The following CRISP2 variants were observed in gnomAD, a reference collection of about 807,000 sequenced individuals.
CRISP2 encodes the protein cysteine-rich secretory protein 2.
A neutral mutation model predicts 31.7 loss-of-function variants in CRISP2; 29 were observed. The observed-to-expected ratio is 0.92, with a 90% CI of 0.68 to 1.25. The LOEUF (loss-of-function observed/expected upper bound fraction) is 1.25, where lower values mean the gene tolerates loss of function less well. CRISP2 is among the 50% of genes most tolerant of loss of function. The probability of loss-of-function intolerance (pLI) is 0.00; values close to 1 mark genes in which losing one functional copy is unlikely to be tolerated. For missense variants in CRISP2, 318 were observed against 286.5 expected, an observed-to-expected ratio of 1.11 and a Z score of -0.79; for synonymous variants, 111 against 101.4, an observed-to-expected ratio of 1.09 and a Z score of -0.57.
chr6:49,707,082 C>T (rs1767167622), intron 4 of CRISP2, among the ~76,000 whole-genome samples: 1 of 152,062 alleles, frequency 6.6e-6, no homozygotes, highest in South Asian at 2.1e-4. Context: ...GCTTCTTACA[C>T]CTTTTTGCTT....
intron 4 of CRISP2, among the ~76,000 whole-genome samples, chr6:49,703,031 C>T (rs1008645386): frequency 6.6e-6 from 1 of 152,096 alleles, no homozygotes. Context: ...CATTCTTCTA[C>T]GTGGATCTTG....
intron 6 of CRISP2, 86 bp from the exon 7 acceptor site, chr6:49,698,593 C>A: frequency 2.1e-6 from 3 of 1,402,642 alleles, no homozygotes; most frequent in South Asian, 1.4e-5. Flanking sequence ...TGTTGCCTTT[C>A]AAACCCAGGG....
the CRISP2 span, among the ~76,000 whole-genome samples, chr6:49,679,926 G>A: frequency 2.2e-4 from 33 of 152,136 alleles, no homozygotes; most frequent in African/African-American, 7.2e-4. Flanking sequence ...GGTTGGTCTC[G>A]AACTCCTGAC....
At chr6:49,698,579 A>G in intron 6 of CRISP2, 72 bp from the exon 7 acceptor site, 1 of 1,495,086 alleles carries the variant, frequency 6.7e-7, no homozygotes, top group Non-Finnish European at 9.0e-7. Context: ...CACAAACACA[A>G]AGATGTTGCC....
chr6:49,683,820 G>C, the CRISP2 span, among the ~76,000 whole-genome samples: 1 of 146,990 alleles, frequency 6.8e-6, no homozygotes, highest in Admixed American at 6.9e-5. Flanking sequence ...ATTGTCAAAA[G>C]TGAACACATT....
At chr6:49,709,266 G>A in intron 3 of CRISP2, 61 bp from the exon 4 acceptor site, 1 of 1,379,452 alleles carries the variant, frequency 7.2e-7, no homozygotes, top group Non-Finnish European at 1.0e-6. Flanking sequence ...TTCTAAGAGG[G>A]GGAATACCAA....
chr6:49,696,057 C>A, intron 8 of CRISP2, 133 bp from the exon 9 acceptor site: 1 of 543,254 alleles, frequency 1.8e-6, no homozygotes, highest in Non-Finnish European at 3.3e-6. Context: ...AATTACAATT[C>A]CCAATGTGTA....
intron 5 of CRISP2, among the ~76,000 whole-genome samples, chr6:49,700,283 G>A (rs994926510): frequency 9.9e-5 from 15 of 151,986 alleles, no homozygotes; most frequent in African/African-American, 3.4e-4. Flanking sequence ...CTTTCATATC[G>A]GAGATACCAG....
At chr6:49,681,645 A>G in the CRISP2 span, among the ~76,000 whole-genome samples, 2 of 152,206 alleles carry the variant, frequency 1.3e-5, no homozygotes, top group Non-Finnish European at 2.9e-5. Flanking sequence ...ACTGTTTTAC[A>G]TATAATATCA....
chr6:49,698,702 G>A (rs976521862), intron 6 of CRISP2, among the ~76,000 whole-genome samples, 195 bp from the exon 7 acceptor site: 1 of 152,124 alleles, frequency 6.6e-6, no homozygotes, highest in Non-Finnish European at 1.5e-5. Flanking sequence ...GACACACTGA[G>A]GTTGGCCTGA....
chr6:49,683,065 G>A, the CRISP2 span, among the ~76,000 whole-genome samples: 65 of 152,106 alleles, frequency 4.3e-4, no homozygotes, highest in African/African-American at 1.4e-3. Context: ...GGCTAAGGCA[G>A]GAGAATTGCT....
intron 9 of CRISP2, among the ~76,000 whole-genome samples, chr6:49,694,418 G>T (rs1561860689): frequency 6.6e-6 from 1 of 152,138 alleles, no homozygotes; most frequent in African/African-American, 2.4e-5. Context: ...TTGGTGCTAT[G>T]GTGGGTCTAG....
At chr6:49,704,956 C>G (rs538042236) in intron 4 of CRISP2, among the ~76,000 whole-genome samples, 1 of 152,024 alleles carries the variant, frequency 6.6e-6, no homozygotes, top group Non-Finnish European at 1.5e-5. Context: ...TGTAACAGCT[C>G]GAGTTGGTTT....
At chr6:49,713,760 G>A (rs1208728091), upstream of CRISP2, among the ~76,000 whole-genome samples, 1 of 152,190 alleles carries the variant, frequency 6.6e-6, no homozygotes, top group Non-Finnish European at 1.5e-5. Flanking sequence ...GAAAGAAAAT[G>A]TCTGTTCGCA....
chr6:49,679,047 T>C, the CRISP2 span, among the ~76,000 whole-genome samples: 1 of 152,196 alleles, frequency 6.6e-6, no homozygotes, highest in Non-Finnish European at 1.5e-5. Context: ...AAATATAATG[T>C]TCTGCTTATG....
intron 3 of CRISP2, among the ~76,000 whole-genome samples, chr6:49,710,745 C>T (rs558403806): frequency 8.9e-4 from 135 of 151,778 alleles, no homozygotes; most frequent in African/African-American, 3.0e-3. Flanking sequence ...TGTGTGTGTG[C>T]GTAATATTGC....
intron 8 of CRISP2, among the ~76,000 whole-genome samples, chr6:49,696,904 A>G (rs1764856315): frequency 6.6e-6 from 1 of 152,110 alleles, no homozygotes; most frequent in African/African-American, 2.4e-5. Context: ...ATCTATTCCA[A>G]CTGTCACTTC....
intron 8 of CRISP2, among the ~76,000 whole-genome samples, chr6:49,697,221 T>G (rs1764919843): frequency 6.6e-6 from 1 of 152,128 alleles, no homozygotes; most frequent in African/African-American, 2.4e-5. Context: ...AAACATATTG[T>G]TTAATGAAGA....
At chr6:49,684,144 T>C in the CRISP2 span, among the ~76,000 whole-genome samples, 1 of 152,044 alleles carries the variant, frequency 6.6e-6, no homozygotes, top group Admixed American at 6.6e-5. Flanking sequence ...AAAATGAATA[T>C]AATCGTCCCT....
Sources: allele counts gnomAD v4.1 joint callset (sites outside exome capture counted in the v4.1 genomes callset), GRCh38; gene constraint gnomAD v4.1.1; transcripts MANE v1.5; gene names NCBI Gene and HGNC (gene_info 2026-07-23, HGNC 2026-07-21).